The following SLC9D1 variants were observed in gnomAD, a reference collection of about 807,000 sequenced individuals.
The protein encoded by SLC9D1 is putative LAG1-interacting protein.
At chr13:113,544,241 G>A in the SLC9D1 span, among the ~76,000 whole-genome samples, 1 of 152,224 alleles carries the variant, frequency 6.6e-6, no homozygotes, top group Non-Finnish European at 1.5e-5. Context: ...GTGCCCGCTG[G>A]GTGAGGCCCA....
chr13:113,502,857 G>T, the SLC9D1 span, among the ~76,000 whole-genome samples: 1 of 152,198 alleles, frequency 6.6e-6, no homozygotes, highest in South Asian at 2.1e-4. Context: ...CAGATCGCAG[G>T]GCGGCAGGAG....
chr13:113,523,800 A>G, the SLC9D1 span, among the ~76,000 whole-genome samples: 1 of 152,242 alleles, frequency 6.6e-6, no homozygotes, highest in African/African-American at 2.4e-5. Context: ...CGCATCTCAT[A>G]TTTTGATATG....
the SLC9D1 span, among the ~76,000 whole-genome samples, chr13:113,515,447 G>A: frequency 2.0e-5 from 3 of 152,228 alleles, no homozygotes; most frequent in Non-Finnish European, 2.9e-5. Flanking sequence ...GGCTGTGCCA[G>A]AGATGGGGAG....
the SLC9D1 span, chr13:113,496,053 A>G: frequency 1.4e-6 from 2 of 1,467,498 alleles, no homozygotes; most frequent in Non-Finnish European, 1.9e-6. Flanking sequence ...AGAGAGAGAG[A>G]GAGGGAGAGG....
chr13:113,544,856 G>A, the SLC9D1 span, among the ~76,000 whole-genome samples: 1 of 152,380 alleles, frequency 6.6e-6, no homozygotes, highest in Admixed American at 6.5e-5. Context: ...GAGTTCGCAG[G>A]ACACAGCTCA....
the SLC9D1 span, among the ~76,000 whole-genome samples, chr13:113,537,440 A>C: frequency 6.6e-6 from 1 of 152,188 alleles, no homozygotes; most frequent in African/African-American, 2.4e-5. Context: ...CACGTCCTCC[A>C]GGCCTGGCCG....
the SLC9D1 span, among the ~76,000 whole-genome samples, chr13:113,517,992 T>C: frequency 2.0e-4 from 30 of 152,276 alleles, no homozygotes; most frequent in Admixed American, 7.2e-4. Context: ...GCAAATTCCT[T>C]AGTGGGTATG....
At chr13:113,521,542 T>C in the SLC9D1 span, among the ~76,000 whole-genome samples, 14 of 152,242 alleles carry the variant, frequency 9.2e-5, no homozygotes, top group South Asian at 6.2e-4. Flanking sequence ...TACATCTGCA[T>C]GCGTGTGTGG....
the SLC9D1 span, among the ~76,000 whole-genome samples, chr13:113,497,587 GCAGCTGTGTGAGACCTA>G: frequency 3.3e-5 from 5 of 149,388 alleles, no homozygotes; most frequent in Admixed American, 6.6e-5. Flanking sequence ...TGTGAGACCT[GCAGCTGTGTGAGACCTA>G]CAGCTGTGTG....
At chr13:113,519,160 C>T in the SLC9D1 span, among the ~76,000 whole-genome samples, 1 of 151,756 alleles carries the variant, frequency 6.6e-6, no homozygotes, top group South Asian at 2.1e-4. Context: ...TCTCCTGCCT[C>T]AGCCTCCCAA....
chr13:113,510,755 G>A, the SLC9D1 span, among the ~76,000 whole-genome samples: 176 of 152,334 alleles, frequency 1.2e-3, no homozygotes, highest in African/African-American at 4.0e-3. Flanking sequence ...AGGAAGTTGC[G>A]TATGTTTTGC....
chr13:113,504,312 T>C, the SLC9D1 span: 2 of 152,222 alleles, frequency 1.3e-5, no homozygotes, highest in East Asian at 3.9e-4. Flanking sequence ...AGCTCTCTCA[T>C]GTAGTATTCC....
At chr13:113,546,672 C>T in the SLC9D1 span, among the ~76,000 whole-genome samples, 6 of 152,138 alleles carry the variant, frequency 3.9e-5, no homozygotes, top group African/African-American at 1.4e-4. The surrounding 1 kb of genome is among the most constrained non-coding windows in gnomAD (Gnocchi z 7.1). Context: ...CCTCCGAGGG[C>T]TGACATGCAT....
At chr13:113,535,936 C>T in the SLC9D1 span, among the ~76,000 whole-genome samples, 2 of 152,230 alleles carry the variant, frequency 1.3e-5, no homozygotes, top group Non-Finnish European at 2.9e-5. This position sits in a 1 kb window ranked among gnomAD's most constrained non-coding sequence, Gnocchi z 4.1. Flanking sequence ...GGATGGATGG[C>T]ACTCGCTGTC....
chr13:113,535,940 C>G, the SLC9D1 span, among the ~76,000 whole-genome samples: 1 of 152,104 alleles, frequency 6.6e-6, no homozygotes, highest in African/African-American at 2.4e-5. The surrounding 1 kb of genome is among the most constrained non-coding windows in gnomAD (Gnocchi z 4.1). Context: ...GGATGGCACT[C>G]GCTGTCTTTG....
the SLC9D1 span, chr13:113,549,997 G>A: frequency 7.3e-6 from 2 of 272,430 alleles, no homozygotes; most frequent in African/African-American, 2.3e-5. Context: ...CTGGCCGTGA[G>A]CTTGGAAGCT....
At chr13:113,539,224 A>C in the SLC9D1 span, 1 of 817,380 alleles carries the variant, frequency 1.2e-6, no homozygotes, top group Non-Finnish European at 1.9e-6. The surrounding 1 kb of genome is among the most constrained non-coding windows in gnomAD (Gnocchi z 4.8). Flanking sequence ...AGGACCAGAC[A>C]CACACACGCT....
chr13:113,539,360 A>G, the SLC9D1 span: 1 of 1,612,232 alleles, frequency 6.2e-7, no homozygotes, highest in African/African-American at 1.3e-5. This position sits in a 1 kb window ranked among gnomAD's most constrained non-coding sequence, Gnocchi z 4.8. Context: ...CTCTCAGGTC[A>G]CGGAGCTGCT....
chr13:113,520,207 C>T, the SLC9D1 span, among the ~76,000 whole-genome samples: 27 of 152,174 alleles, frequency 1.8e-4, no homozygotes, highest in African/African-American at 5.5e-4. Context: ...AAGTGCCGGC[C>T]GGGAGTAGTG....
Sources: allele counts gnomAD v4.1 joint callset (sites outside exome capture counted in the v4.1 genomes callset), GRCh38; gene constraint gnomAD v4.1.1; non-coding constraint Gnocchi (gnomAD v3.1); transcripts MANE v1.5; gene names NCBI Gene and HGNC (gene_info 2026-07-23, HGNC 2026-07-21).